The following SHOC1 variants were observed in gnomAD, a reference collection of about 807,000 sequenced individuals.
SHOC1 encodes protein shortage in chiasmata 1 ortholog.
In SHOC1, 136 loss-of-function variants were observed where a neutral mutation model predicts 179.2. The ratio of observed to expected loss-of-function variants is 0.76; its 90% CI spans 0.66 to 0.87. The LOEUF is 0.87. Ranked by LOEUF, SHOC1 falls within the 40% of genes least tolerant of loss-of-function variation. The pLI, the probability that SHOC1 is intolerant of heterozygous loss-of-function variation, is 0.00. For missense variants in SHOC1, 1,538 were observed against 1,700.8 expected (o/e 0.90, Z 1.68); for synonymous variants, 489 against 586.6 (o/e 0.83, Z 2.41).
At chr9:111,726,864 GAAGA>G (rs1304460426) in intron 13 of SHOC1, among the ~76,000 whole-genome samples, 1 of 152,108 alleles carries the variant, frequency 6.6e-6, no homozygotes, top group Non-Finnish European at 1.5e-5. Flanking sequence ...TTAACCTTAT[GAAGA>G]AAGAAAGAAT....
chr9:111,737,174 CA>C (rs1352906712), intron 12 of SHOC1, among the ~76,000 whole-genome samples: 1 of 152,120 alleles, frequency 6.6e-6, no homozygotes, highest in Non-Finnish European at 1.5e-5. Flanking sequence ...GAACTTAAAA[CA>C]GAACTACGTT....
At chr9:111,756,058 G>A (rs1834841239) in intron 8 of SHOC1, among the ~76,000 whole-genome samples, 1 of 152,068 alleles carries the variant, frequency 6.6e-6, no homozygotes, top group Admixed American at 6.5e-5. Context: ...GGAGGCGGAG[G>A]TTGTGGTGAG....
intron 5 of SHOC1, among the ~76,000 whole-genome samples, chr9:111,768,144 T>A (rs1238817243): frequency 1.3e-5 from 2 of 152,138 alleles, no homozygotes; most frequent in Admixed American, 6.6e-5. Flanking sequence ...TTTGTAGCTA[T>A]TGTAAATGGC....
At position 111,714,395 on chromosome 9, in the gene SHOC1, C is replaced by T. The variant is rs758121124; in HGVS notation, c.2415+50G>A. ...TAAATGCAAAAATGTATCTTACATC[C>T]AATTCTTACTTAAACTGATTATTTT... On this transcript the variant is annotated intron_variant, in intron 17 of 27. Transcript: ENST00000682961. 1.5e-5 allele frequency: 23 copies of T among 1,582,234 alleles called. No individual in the cohort carries two copies. In the African/African-American group the frequency reaches 3.0e-4, roughly 21 times the overall value.
chr9:111,760,745 A>G (rs1447513311), intron 5 of SHOC1, among the ~76,000 whole-genome samples: 1 of 151,984 alleles, frequency 6.6e-6, no homozygotes. Flanking sequence ...AAATGATAGA[A>G]CTTTATTGAA....
At position 111,723,138 on chromosome 9, in the gene SHOC1, A is replaced by T. The variant is rs192253951; in HGVS notation, c.1955-553T>A. The stretch of plus-strand genomic sequence containing the variant: ...TTAACTTGACATGGCAAATATAAAG[A>T]CCCATATAACATGAACTGCATTTTT... On this transcript the variant is annotated intron_variant, in intron 14 of 27. Transcript: ENST00000682961. 1.6e-3 allele frequency among the ~76,000 whole-genome samples: 240 copies of T among 152,282 alleles called. 1 individual carries two copies. The highest frequency in any genetic ancestry group is 2.6e-3 in the Non-Finnish European group (177 of 68,026).
At chr9:111,781,044 T>G (rs1363677560) in intron 3 of SHOC1, 27 bp from the exon 4 acceptor site, 2 of 1,517,832 alleles carry the variant, frequency 1.3e-6, no homozygotes, top group Middle Eastern at 1.7e-4. Context: ...TTAACATTAA[T>G]GTCTAGAATT....
At chr9:111,786,329 G>T (rs1205560646) in intron 2 of SHOC1, among the ~76,000 whole-genome samples, 1 of 152,046 alleles carries the variant, frequency 6.6e-6, no homozygotes, top group East Asian at 1.9e-4. Flanking sequence ...CAGCTCCTCA[G>T]GAGGCTGAGG....
At chr9:111,778,808 G>C (rs1012434989) in intron 4 of SHOC1, among the ~76,000 whole-genome samples, 25 of 144,460 alleles carry the variant, frequency 1.7e-4, no homozygotes, top group Non-Finnish European at 3.8e-4. Context: ...GAGAGAGAGA[G>C]AAAGTACTGG....
At chr9:111,736,834 T>A (rs897673043) in intron 12 of SHOC1, among the ~76,000 whole-genome samples, 1 of 151,932 alleles carries the variant, frequency 6.6e-6, no homozygotes, top group Non-Finnish European at 1.5e-5. Flanking sequence ...AGATCTAATA[T>A]CCAGACTCTA....
chr9:111,706,441 G>A, intron 20 of SHOC1, 127 bp downstream of exon 20: 3 of 527,900 alleles, frequency 5.7e-6, no homozygotes, highest in Non-Finnish European at 9.3e-6. Context: ...CACAGATAGT[G>A]GTGGGGTTAG....
intron 8 of SHOC1, among the ~76,000 whole-genome samples, chr9:111,749,990 T>C (rs7034552): frequency 0.56 from 85,140 of 151,996 alleles, 24,508 homozygotes; most frequent in East Asian, 0.87. Flanking sequence ...AACATACACA[T>C]GCATCTATCT....
At chr9:111,751,558 A>G (rs985933652) in intron 8 of SHOC1, among the ~76,000 whole-genome samples, 3 of 152,164 alleles carry the variant, frequency 2.0e-5, no homozygotes, top group Admixed American at 2.0e-4. Context: ...CAGTTCTCCT[A>G]TTTATAAAAT....
At chr9:111,787,330 G>A (rs1340450349) in intron 2 of SHOC1, among the ~76,000 whole-genome samples, 1 of 152,210 alleles carries the variant, frequency 6.6e-6, no homozygotes, top group Non-Finnish European at 1.5e-5. Flanking sequence ...AAACCTTTGA[G>A]AAGGGAGAAC....
intron 15 of SHOC1, among the ~76,000 whole-genome samples, chr9:111,719,487 A>C (rs1349143401): frequency 6.6e-6 from 1 of 152,198 alleles, no homozygotes; most frequent in African/African-American, 2.4e-5. Flanking sequence ...AAACCTTTAG[A>C]AGCTCAACCC....
In SHOC1 at chr9:111,775,926, C is replaced by T. The variant is rs756357956; in HGVS notation, c.307G>A (p.Val103Ile). The T allele has an allele frequency of 1.9e-6, 3 of 1,613,530 alleles. No individual in the cohort carries two copies. Among genetic ancestry groups the T allele is most frequent in the Non-Finnish European group, 2.5e-6 (3 of 1,179,794 alleles). ...VTQINCEFEE[V>I]VPSSNPDSQI... ...GAGTCTGGATTTGAACTTGGAACAA[C>T]TTCCTCAAATTCACAATTAATCTGG... is the stretch of plus-strand genomic sequence containing the variant. Residue 103 changes from valine (V) to isoleucine (I), a missense_variant, in exon 5 of 28, where the codon GTT becomes ATT. Val to Ile is a conservative substitution (Grantham distance 29, BLOSUM62 3). Transcript: ENST00000682961.
chr9:111,688,012 T>A (rs972014937), intron 27 of SHOC1, among the ~76,000 whole-genome samples: 2 of 152,148 alleles, frequency 1.3e-5, no homozygotes, highest in Admixed American at 6.5e-5. Flanking sequence ...AACAATTAGA[T>A]GAAATACAGG....
chr9:111,720,836 A>T (rs1238754825), intron 15 of SHOC1, among the ~76,000 whole-genome samples: 2 of 152,240 alleles, frequency 1.3e-5, no homozygotes, highest in Non-Finnish European at 1.5e-5. Context: ...TCAAACATAC[A>T]GAAAACAGTA....
At chr9:111,706,396 G>A (rs1416417671) in intron 20 of SHOC1, among the ~76,000 whole-genome samples, 172 bp downstream of exon 20, 6 of 152,052 alleles carry the variant, frequency 3.9e-5, no homozygotes, top group Admixed American at 2.0e-4. Flanking sequence ...TGAGGACTAC[G>A]AGGTAAGAGA....
Sources: gnomAD v4.1 joint callset for allele counts (sites outside exome capture counted in the v4.1 genomes callset) on GRCh38, gnomAD v4.1.1 for gene constraint, MANE v1.5 for transcripts, NCBI Gene and HGNC (gene_info 2026-07-23, HGNC 2026-07-21) for gene names.